The following FAM81A variants were observed in gnomAD, a reference collection of about 807,000 sequenced individuals.
FAM81A encodes protein FAM81A.
In FAM81A, 19 loss-of-function variants were observed where a neutral mutation model predicts 46.7. That is an observed-to-expected ratio of 0.41 (90% confidence interval 0.28 to 0.60). The LOEUF (loss-of-function observed/expected upper bound fraction) is 0.60, where lower values mean the gene tolerates loss of function less well. Among genes scored for constraint, FAM81A ranks in the 20% least tolerant of loss-of-function variants. The pLI, the probability that FAM81A is intolerant of heterozygous loss-of-function variation, is 0.34. For missense variants in FAM81A, 377 were observed against 453.5 expected (o/e 0.83, Z 1.53); for synonymous variants, 183 against 152.9 (o/e 1.20, Z -1.45).
intron 1 of FAM81A, among the ~76,000 whole-genome samples, chr15:59,447,903 C>G (rs546461730): frequency 6.6e-6 from 1 of 152,258 alleles, no homozygotes; most frequent in Admixed American, 6.5e-5. Flanking sequence ...TAATTGGTGG[C>G]CTGGGCACTC....
intron 3 of FAM81A, among the ~76,000 whole-genome samples, chr15:59,470,696 C>G (rs1307937353): frequency 1.1e-4 from 16 of 152,292 alleles, no homozygotes; most frequent in African/African-American, 3.8e-4. Context: ...CCTTCTGAAG[C>G]CTACTTCTGT....
At position 59,523,311 on chromosome 15, in the gene FAM81A, G is replaced by A. The variant is rs1483254341; in HGVS notation, c.*1933G>A. Reference sequence around the variant, plus strand: ...CTACATGTTGAAATCATCCAGAGGAGTTGGGAAATCTACTGATGCCCCGCT... The same window carrying A: ...CTACATGTTGAAATCATCCAGAGGAATTGGGAAATCTACTGATGCCCCGCT... On this transcript the variant is annotated 3_prime_UTR_variant, in exon 9 of 9. Transcript: ENST00000288228. The A allele has an allele frequency of 6.6e-6, 1 of 152,276 alleles. No individual in the cohort carries two copies. Among genetic ancestry groups the A allele is most frequent in the Non-Finnish European group, 1.5e-5 (1 of 68,076 alleles). 9.4% of individuals were successfully genotyped at this position (152,276 alleles called of 1,614,324 possible).
At chr15:59,484,083 A>G (rs543164974) in intron 3 of FAM81A, among the ~76,000 whole-genome samples, 2 of 152,196 alleles carry the variant, frequency 1.3e-5, no homozygotes, top group Non-Finnish European at 2.9e-5. Flanking sequence ...AAGGCACTCC[A>G]GTGAGTAGAG....
chr15:59,447,601 A>T (rs2081366586), intron 1 of FAM81A, among the ~76,000 whole-genome samples: 1 of 152,222 alleles, frequency 6.6e-6, no homozygotes, highest in African/African-American at 2.4e-5. Flanking sequence ...TGCTATTAGC[A>T]TTGGTCTTTC....
intron 2 of FAM81A, among the ~76,000 whole-genome samples, chr15:59,428,379 C>G (rs1013931736): frequency 6.6e-6 from 1 of 151,592 alleles, no homozygotes; most frequent in African/African-American, 2.4e-5. Flanking sequence ...TGACATCACT[C>G]TGGGGCTTTT....
intron 2 of FAM81A, among the ~76,000 whole-genome samples, chr15:59,426,329 A>G (rs911106220): frequency 1.1e-4 from 16 of 152,300 alleles, no homozygotes; most frequent in Non-Finnish European, 2.2e-4. Flanking sequence ...CGTACTGACC[A>G]GGTGTGATGG....
chr15:59,480,764 C>G (rs1381164850), intron 3 of FAM81A, among the ~76,000 whole-genome samples: 6 of 152,052 alleles, frequency 3.9e-5, no homozygotes, highest in Non-Finnish European at 8.8e-5. Flanking sequence ...ACGATATAAT[C>G]TTTTTAAAAA....
intron 1 of FAM81A, among the ~76,000 whole-genome samples, chr15:59,454,529 A>G (rs189196151): frequency 1.3e-5 from 2 of 152,312 alleles, no homozygotes; most frequent in East Asian, 3.9e-4. Context: ...ATAATCACAA[A>G]TAATCATTTT....
upstream of FAM81A, among the ~76,000 whole-genome samples, chr15:59,436,025 G>C (rs1440707416): frequency 2.6e-5 from 4 of 152,254 alleles, no homozygotes; most frequent in African/African-American, 7.2e-5. Context: ...GAAGTCATGG[G>C]CCTGATTCAA....
chr15:59,469,559 A>G (rs1455885161), intron 3 of FAM81A, among the ~76,000 whole-genome samples: 17 of 142,620 alleles, frequency 1.2e-4, no homozygotes, highest in Admixed American at 9.8e-4. Context: ...TTTGCTTTCC[A>G]TTTGCTTGGT....
chr15:59,496,362 A>G (rs1276046627), intron 4 of FAM81A, among the ~76,000 whole-genome samples: 1 of 152,042 alleles, frequency 6.6e-6, no homozygotes, highest in East Asian at 1.9e-4. Context: ...ATCCCAGTGC[A>G]TTGGGAGGCC....
intron 2 of FAM81A, among the ~76,000 whole-genome samples, chr15:59,411,718 C>T (rs1328876790): frequency 6.6e-6 from 1 of 152,056 alleles, no homozygotes; most frequent in East Asian, 1.9e-4. Flanking sequence ...GAGTTTGAGA[C>T]CAGCCTGGCC....
Position 59,522,653 on chromosome 15 carries a change from G to A in FAM81A, c.*1275G>A, listed in dbSNP as rs1387032923. ...GTAAAAACTGACAGTGAGACACAAC[G>A]TTCTGAACTGTGAGGGTGTCCCAGG... On this transcript the variant is annotated 3_prime_UTR_variant, in exon 9 of 9. Transcript: ENST00000288228. The A allele has an allele frequency of 1.3e-5, 2 of 152,494 alleles. No individual in the cohort carries two copies. Among genetic ancestry groups the A allele is most frequent in the African/African-American group, 4.8e-5 (2 of 41,406 alleles). The allele number at this position is 152,494 out of a possible 1,614,324, so 9.4% of individuals were successfully genotyped here. A position where few individuals can be genotyped will look rare whatever the true frequency, so the allele number is the denominator to read the frequency against.
chr15:59,484,058 C>T (rs2081888253), intron 3 of FAM81A, among the ~76,000 whole-genome samples: 1 of 152,184 alleles, frequency 6.6e-6, no homozygotes, highest in Non-Finnish European at 1.5e-5. Flanking sequence ...CCACTACTCT[C>T]AAGACTACCT....
intron 3 of FAM81A, among the ~76,000 whole-genome samples, chr15:59,479,405 G>C (rs538961832): frequency 6.6e-6 from 1 of 151,838 alleles, no homozygotes; most frequent in Non-Finnish European, 1.5e-5. Context: ...CAGCTGCTTG[G>C]GAGGCTGAGG....
intron 3 of FAM81A, among the ~76,000 whole-genome samples, chr15:59,469,140 A>G (rs2081652677): frequency 6.6e-6 from 1 of 152,152 alleles, no homozygotes; most frequent in South Asian, 2.1e-4. Context: ...TTATGTGGTC[A>G]ATTTTAGAAT....
intron 3 of FAM81A, among the ~76,000 whole-genome samples, chr15:59,463,196 G>A (rs2081573415): frequency 1.3e-5 from 2 of 152,104 alleles, no homozygotes; most frequent in South Asian, 4.1e-4. Flanking sequence ...TATGGTGTGA[G>A]GTAAGGGTCT....
chr15:59,490,512 T>A (rs1482033834), intron 3 of FAM81A, among the ~76,000 whole-genome samples: 2 of 152,166 alleles, frequency 1.3e-5, no homozygotes, highest in Non-Finnish European at 2.9e-5. Flanking sequence ...ACATCATTGA[T>A]CATCAGAGAA....
chr15:59,419,006 G>C (rs367776991), intron 2 of FAM81A, among the ~76,000 whole-genome samples: 11 of 152,340 alleles, frequency 7.2e-5, no homozygotes, highest in African/African-American at 2.6e-4. Flanking sequence ...GCAGAAGACT[G>C]ATTCAAATCT....
Sources: gnomAD v4.1 joint callset for allele counts (sites outside exome capture counted in the v4.1 genomes callset) on GRCh38, gnomAD v4.1.1 for gene constraint, MANE v1.5 for transcripts, NCBI Gene and HGNC (gene_info 2026-07-23, HGNC 2026-07-21) for gene names.